The following NRXN1 variants were observed in gnomAD, a reference collection of about 807,000 sequenced individuals.
NRXN1 encodes neurexin-1.
In NRXN1, 39 loss-of-function variants were observed where a neutral mutation model predicts 150.9. That is an observed-to-expected ratio of 0.26 (90% CI 0.20 to 0.34). The LOEUF (loss-of-function observed/expected upper bound fraction) is 0.34, where lower values mean the gene tolerates loss of function less well. Ranked by LOEUF, NRXN1 falls within the 10% of genes least tolerant of loss-of-function variation. The pLI, the probability that NRXN1 is intolerant of heterozygous loss-of-function variation, is 1.00. For synonymous variants in NRXN1, 924 were observed against 757.0 expected, an observed-to-expected ratio of 1.22 and a Z score of -3.62; for missense variants, 1,815 against 1,949.9, an observed-to-expected ratio of 0.93 and a Z score of 1.30.
intron 19 of NRXN1, among the ~76,000 whole-genome samples, chr2:50,081,747 T>C (rs1458539475): frequency 6.6e-6 from 1 of 152,178 alleles, no homozygotes; most frequent in Non-Finnish European, 1.5e-5. Context: ...ATACTAGCTA[T>C]TATGTATTAT....
intron 17 of NRXN1, among the ~76,000 whole-genome samples, chr2:50,304,244 G>C (rs2074415436): frequency 6.6e-6 from 1 of 152,052 alleles, no homozygotes; most frequent in Non-Finnish European, 1.5e-5. Context: ...AATGTACCCA[G>C]AACTGTGCAC....
intron 5 of NRXN1, among the ~76,000 whole-genome samples, chr2:50,774,976 T>C (rs533181504): frequency 1.1e-4 from 17 of 152,296 alleles, no homozygotes; most frequent in African/African-American, 3.4e-4. Flanking sequence ...ATTACATATA[T>C]TATTTTTCTT....
chr2:50,465,407 G>A (rs747754924), intron 17 of NRXN1, 35 bp downstream of exon 17: 14 of 1,556,706 alleles, frequency 9.0e-6, no homozygotes, highest in East Asian at 4.6e-5. Context: ...TGGAAGCAAC[G>A]ATGAGTATCA....
At chr2:50,845,479 A>G (rs1673504728) in intron 5 of NRXN1, among the ~76,000 whole-genome samples, 1 of 152,148 alleles carries the variant, frequency 6.6e-6, no homozygotes, top group Non-Finnish European at 1.5e-5. Flanking sequence ...TATTCCAATC[A>G]TCCTCTATTG....
At chr2:50,269,094 T>C (rs986796500) in intron 17 of NRXN1, among the ~76,000 whole-genome samples, 1 of 151,662 alleles carries the variant, frequency 6.6e-6, no homozygotes, top group Admixed American at 6.6e-5. Context: ...ATTTTTTACA[T>C]GGGGAAACAG....
intron 17 of NRXN1, among the ~76,000 whole-genome samples, chr2:50,373,683 G>GA (rs2080261896): frequency 1.9e-5 from 2 of 107,806 alleles, no homozygotes; most frequent in Middle Eastern, 4.1e-3. Flanking sequence ...AGAAAGAAAA[G>GA]AAAGAAGGAA....
chr2:50,383,042 C>T lies in NRXN1; in HGVS notation c.3364+82400G>A, dbSNP rs1474309026. Among the ~76,000 whole-genome samples the T allele has an allele frequency of 3.9e-5, 6 of 152,120 alleles. No homozygotes were observed. In the South Asian group the frequency reaches 1.2e-3, roughly 32 times the overall value. On this transcript the variant is annotated intron_variant, in intron 17 of 22. Coordinates refer to ENST00000401669, the MANE Select transcript of NRXN1 (RefSeq NM_001330078.2). ...CCATCATCATATATGTTCTTGGTCA[C>T]AAGCAACTTGATCGTAAATAATATT...
At chr2:50,653,591 A>C (rs1281078308) in intron 5 of NRXN1, among the ~76,000 whole-genome samples, 1 of 152,090 alleles carries the variant, frequency 6.6e-6, no homozygotes, top group Non-Finnish European at 1.5e-5. Flanking sequence ...TCAATTTCAT[A>C]CATATTTCTA....
rs73930248 is a variant in NRXN1 at position 51,025,610 on chromosome 2, A to G, written c.772+1892T>C. On this transcript the variant is annotated intron_variant, in intron 2 of 22. Transcript: ENST00000401669. ...CTTCTCTGTATTTTAAAGTGGCATT[A>G]GGATACTTAAGACAATTTTCCCATA... 1.1e-3 allele frequency among the ~76,000 whole-genome samples: 173 copies of G among 152,290 alleles called. 1 individual carries two copies. Among genetic ancestry groups the G allele is most frequent in the African/African-American group, 3.9e-3 (164 of 41,564 alleles).
At chr2:50,950,004 G>C (rs1691039993) in intron 2 of NRXN1, among the ~76,000 whole-genome samples, 2 of 152,152 alleles carry the variant, frequency 1.3e-5, no homozygotes, top group Admixed American at 6.5e-5. Flanking sequence ...GGCAGGAGGA[G>C]ATTAATTGAA....
chr2:50,721,825 G>A (rs1696696720), intron 5 of NRXN1, among the ~76,000 whole-genome samples: 1 of 151,998 alleles, frequency 6.6e-6, no homozygotes, highest in African/African-American at 2.4e-5. Context: ...AGAGAAAGTT[G>A]ATATACATTA....
chr2:50,343,457 T>G (rs1299377497), intron 17 of NRXN1, among the ~76,000 whole-genome samples: 1 of 147,012 alleles, frequency 6.8e-6, no homozygotes, highest in African/African-American at 2.7e-5. Flanking sequence ...CTCCCTCTAT[T>G]TAACTAGAAA....
At chr2:50,267,584 C>T (rs1172993015) in intron 17 of NRXN1, among the ~76,000 whole-genome samples, 2 of 151,944 alleles carry the variant, frequency 1.3e-5, no homozygotes, top group Non-Finnish European at 2.9e-5. Context: ...GGCTTTTTTC[C>T]TATTTAAATT....
intron 1 of NRXN1, among the ~76,000 whole-genome samples, chr2:51,029,621 A>T (rs1292280339): frequency 6.6e-6 from 1 of 152,232 alleles, no homozygotes; most frequent in Admixed American, 6.5e-5. Flanking sequence ...CAATTGGCAA[A>T]TTAGATTAAA....
chr2:50,614,822 CT>C (rs1162227036), intron 8 of NRXN1, among the ~76,000 whole-genome samples: 1 of 145,732 alleles, frequency 6.9e-6, no homozygotes, highest in Non-Finnish European at 1.5e-5. Flanking sequence ...GCCTTCAAAA[CT>C]TTCTAAAACT....
chr2:50,155,629 T>A (rs2058972207), intron 18 of NRXN1, among the ~76,000 whole-genome samples: 1 of 151,570 alleles, frequency 6.6e-6, no homozygotes, highest in Non-Finnish European at 1.5e-5. Flanking sequence ...TTTGATCCTG[T>A]TTTTTTCCAC....
intron 12 of NRXN1, among the ~76,000 whole-genome samples, chr2:50,507,485 G>A (rs2092285684): frequency 2.0e-5 from 3 of 151,992 alleles, no homozygotes; most frequent in South Asian, 4.2e-4. Context: ...GCATCGAGTG[G>A]GCAAGAAGTA....
chr2:50,477,900 G>A (rs1387447044), intron 15 of NRXN1, among the ~76,000 whole-genome samples: 3 of 152,130 alleles, frequency 2.0e-5, no homozygotes, highest in African/African-American at 7.2e-5. Context: ...GAAAATTTGG[G>A]TGCAGCTTTT....
At chr2:50,425,025 A>G (rs2084367315) in intron 17 of NRXN1, among the ~76,000 whole-genome samples, 1 of 152,220 alleles carries the variant, frequency 6.6e-6, no homozygotes, top group Non-Finnish European at 1.5e-5. Context: ...CCTCAGAATA[A>G]GAAAAATTGT....
Sources: allele counts gnomAD v4.1 joint callset (sites outside exome capture counted in the v4.1 genomes callset), GRCh38; gene constraint gnomAD v4.1.1; transcripts MANE v1.5; gene names NCBI Gene and HGNC (gene_info 2026-07-23, HGNC 2026-07-21).